EYS: variants seen among roughly 807,000 people sequenced by gnomAD.
EYS encodes protein eyes shut homolog.
A neutral mutation model predicts 282.1 loss-of-function variants in EYS; 250 were observed. The ratio of observed to expected loss-of-function variants is 0.89; its 90% confidence interval spans 0.80 to 0.98. The LOEUF (loss-of-function observed/expected upper bound fraction) is 0.98, where lower values mean the gene tolerates loss of function less well. EYS is among the 50% of genes least tolerant of loss of function. The probability of loss-of-function intolerance (pLI) is 0.00; values close to 1 mark genes in which losing one functional copy is unlikely to be tolerated. For synonymous variants in EYS, 1,355 were observed against 1,282.9 expected (o/e 1.06, Z -1.20); for missense variants, 4,016 against 3,709.0 (o/e 1.08, Z -2.15).
intron 33 of EYS, among the ~76,000 whole-genome samples, chr6:64,017,471 T>C (rs1161495517): frequency 1.3e-5 from 2 of 152,158 alleles, no homozygotes; most frequent in African/African-American, 2.4e-5. Flanking sequence ...TATTATTCCA[T>C]AGTTGTTGGT....
In EYS at chr6:63,923,314, A is replaced by T. The variant is rs78695374; in HGVS notation, c.7056-58956T>A. ...TTTATGCAAATATGCCATTTAAAAA[A>T]TGTTGCTATACTACCCACCATACAC... is the stretch of plus-strand genomic sequence containing the variant. On this transcript the variant is annotated intron_variant, in intron 35 of 42. Transcript: ENST00000503581. Among the ~76,000 whole-genome samples, 1,045 of 152,328 alleles carry T rather than the reference A, an allele frequency of 6.9e-3. 5 individuals carry two copies. Among genetic ancestry groups the T allele is most frequent in the Non-Finnish European group, 0.01 (709 of 68,034 alleles).
At chr6:64,628,191 C>A (rs770062321) in intron 22 of EYS, among the ~76,000 whole-genome samples, 11 of 151,654 alleles carry the variant, frequency 7.3e-5, no homozygotes, top group Non-Finnish European at 1.5e-4. Context: ...GTATTGAATT[C>A]CCACTGCCAC....
intron 35 of EYS, among the ~76,000 whole-genome samples, chr6:63,887,314 G>GTTTTTTTTTTTTTTTTTTTTT (rs35622877): frequency 8.3e-6 from 1 of 120,236 alleles, no homozygotes. Flanking sequence ...AATAAAAGGT[G>GTTTTTTTTTTTTTTTTTTTTT]TTTTTTTTTT....
chr6:65,441,697 A>C lies in EYS; in HGVS notation c.863-36330T>G, dbSNP rs138637988. On this transcript the variant is annotated intron_variant, in intron 5 of 42. Coordinates refer to ENST00000503581, the MANE Select transcript of EYS (RefSeq NM_001142800.2). The stretch of plus-strand genomic sequence containing the variant: ...AGTAAGCAAAGTCAACCTACAAAAT[A>C]GGTAAAGTAAGCAAAGTCAACCTAA... Among the ~76,000 whole-genome samples the C allele has an allele frequency of 7.9e-5, 12 of 152,248 alleles. 1 individual carries two copies. In the East Asian group the frequency reaches 1.5e-3, roughly 20 times the overall value.
chr6:64,162,128 C>T (rs1385562149), intron 31 of EYS, among the ~76,000 whole-genome samples: 2 of 152,066 alleles, frequency 1.3e-5, no homozygotes, highest in African/African-American at 2.4e-5. Flanking sequence ...TAAGTCCCTT[C>T]CACCCACGTA....
intron 34 of EYS, among the ~76,000 whole-genome samples, chr6:63,996,754 A>G (rs1182725774): frequency 6.6e-6 from 1 of 152,126 alleles, no homozygotes; most frequent in Non-Finnish European, 1.5e-5. Context: ...TATTTACTTC[A>G]TATTTTTTGG....
intron 30 of EYS, among the ~76,000 whole-genome samples, chr6:64,264,318 A>G (rs1413861597): frequency 6.6e-6 from 1 of 152,082 alleles, no homozygotes; most frequent in East Asian, 1.9e-4. Flanking sequence ...TTCTTTGTTC[A>G]CCTAGGCTTA....
chr6:64,162,135 C>G (rs192595974), intron 31 of EYS, among the ~76,000 whole-genome samples: 2 of 152,076 alleles, frequency 1.3e-5, no homozygotes, highest in African/African-American at 4.8e-5. Context: ...CTTCCACCCA[C>G]GTAAAAGGGT....
chr6:64,193,476 A>T (rs1412329029), intron 31 of EYS, among the ~76,000 whole-genome samples: 1 of 151,752 alleles, frequency 6.6e-6, no homozygotes, highest in Non-Finnish European at 1.5e-5. Flanking sequence ...ATGCCCGGCT[A>T]ATCTTTTTTT....
At chr6:65,200,649 A>G (rs2150245678) in intron 12 of EYS, among the ~76,000 whole-genome samples, 1 of 151,676 alleles carries the variant, frequency 6.6e-6, no homozygotes, top group South Asian at 2.1e-4. Flanking sequence ...ATATACCATG[A>G]CCCATATTTC....
At chr6:64,160,397 G>T (rs185309431) in intron 31 of EYS, among the ~76,000 whole-genome samples, 1 of 152,024 alleles carries the variant, frequency 6.6e-6, no homozygotes, top group East Asian at 1.9e-4. Flanking sequence ...AAATTATATC[G>T]ATTCCTATTG....
At chr6:63,925,359 T>A (rs1419077096) in intron 35 of EYS, among the ~76,000 whole-genome samples, 1 of 152,142 alleles carries the variant, frequency 6.6e-6, no homozygotes, top group Non-Finnish European at 1.5e-5. Context: ...AGAAAATGAG[T>A]ATATTTTACC....
At chr6:65,383,972 G>A (rs1051461424) in intron 8 of EYS, among the ~76,000 whole-genome samples, 3 of 151,794 alleles carry the variant, frequency 2.0e-5, no homozygotes, top group African/African-American at 7.2e-5. Flanking sequence ...CTTACCATGT[G>A]TAGTACAGAC....
intron 5 of EYS, among the ~76,000 whole-genome samples, chr6:65,434,297 A>G (rs981101875): frequency 1.3e-5 from 2 of 151,990 alleles, no homozygotes; most frequent in South Asian, 4.2e-4. Context: ...AGGTTATATC[A>G]GGGACATTTT....
rs542208348 is a variant in EYS, at chr6:64,098,922, A to T, written c.6425-16920T>A. ...CTGGCCGTAATGTTTTATTTCTTACACTAGGTAGCGGGCATACAAATTATT... is the reference window on the plus strand; with the variant it reads ...CTGGCCGTAATGTTTTATTTCTTACTCTAGGTAGCGGGCATACAAATTATT... On this transcript the variant is annotated intron_variant, in intron 31 of 42. Transcript: ENST00000503581. Among the ~76,000 whole-genome samples the T allele has an allele frequency of 5.3e-5, 8 of 152,216 alleles. No homozygotes were observed. The South Asian group carries it at 6.2e-4, about 12-fold the overall frequency.
At chr6:63,934,399 G>T (rs1764989927) in intron 35 of EYS, among the ~76,000 whole-genome samples, 1 of 151,976 alleles carries the variant, frequency 6.6e-6, no homozygotes, top group Non-Finnish European at 1.5e-5. Context: ...CCATTACTGG[G>T]TATATACCCA....
At chr6:64,151,949 T>G (rs941154537) in intron 31 of EYS, among the ~76,000 whole-genome samples, 1 of 152,196 alleles carries the variant, frequency 6.6e-6, no homozygotes, top group East Asian at 1.9e-4. Context: ...CATTTTCTGA[T>G]GTTTTTGAGC....
At chr6:64,056,207 C>G (rs1160400213) in intron 33 of EYS, among the ~76,000 whole-genome samples, 1 of 152,182 alleles carries the variant, frequency 6.6e-6, no homozygotes, top group Admixed American at 6.5e-5. Flanking sequence ...GCATGCAAAT[C>G]TCCATGGCAC....
chr6:64,045,909 GTT>G (rs1770601928), intron 33 of EYS, among the ~76,000 whole-genome samples: 1 of 145,854 alleles, frequency 6.9e-6, no homozygotes, highest in Non-Finnish European at 1.5e-5. Context: ...ATACATATAT[GTT>G]TATTATATAT....
Sources: allele counts gnomAD v4.1 joint callset (sites outside exome capture counted in the v4.1 genomes callset), GRCh38; gene constraint gnomAD v4.1.1; transcripts MANE v1.5; gene names NCBI Gene and HGNC (gene_info 2026-07-23, HGNC 2026-07-21).